Variants in HNRNPA2B1 observed in about 807,000 individuals in gnomAD.
HNRNPA2B1 encodes the protein heterogeneous nuclear ribonucleoproteins A2/B1.
HNRNPA2B1 carries 3 observed loss-of-function variants against 46.3 expected under a neutral mutation model. The observed-to-expected ratio is 0.06, with a 90% CI of 0.03 to 0.17. The LOEUF is 0.17. Ranked by LOEUF, HNRNPA2B1 falls within the 10% of genes least tolerant of loss-of-function variation. The pLI, the probability that HNRNPA2B1 is intolerant of heterozygous loss-of-function variation, is 1.00. For missense variants in HNRNPA2B1, 221 were observed against 418.9 expected (o/e 0.53, Z 4.12); for synonymous variants, 225 against 133.8 (o/e 1.68, Z -4.70).
intron 7 of HNRNPA2B1, 122 bp downstream of exon 7, chr7:26,195,725 A>AC (rs1234234468): frequency 1.8e-6 from 2 of 1,099,926 alleles, no homozygotes; most frequent in Non-Finnish European, 2.6e-6. Context: ...GACCACTATC[A>AC]CCCAAGCCAT....
At chr7:26,197,154 C>G in intron 3 of HNRNPA2B1, 137 bp from the exon 4 acceptor site, 9 of 1,149,658 alleles carry the variant, frequency 7.8e-6, no homozygotes, top group Non-Finnish European at 1.1e-5. Context: ...AGGGACCTAG[C>G]TTTTGAAAAA....
In HNRNPA2B1 at chr7:26,200,634, T is replaced by TA; in HGVS notation, c.-58_-57insT. 6.2e-7 allele frequency: 1 copy of TA among 1,612,108 alleles called. No individual in the cohort carries two copies. The highest frequency in any genetic ancestry group is 8.5e-7 in the Non-Finnish European group (1 of 1,179,220). ...GCAGCCGAGCGAGATGAGAGAGATCTCCGCGGACGAACACGAACCGGACTC... is the reference window on the plus strand; with the variant it reads ...GCAGCCGAGCGAGATGAGAGAGATCTACCGCGGACGAACACGAACCGGACTC... On this transcript the variant is annotated 5_prime_UTR_variant, in exon 1 of 11. Coordinates refer to ENST00000618183, the MANE Select transcript of HNRNPA2B1 (RefSeq NM_002137.4).
rs376889657 is a variant in HNRNPA2B1 at position 26,190,219 on chromosome 7, TTA to T, written c.*2139_*2140del. ...AAACCTAATTTAAAACATGATACAT[TTA>T]TCTCTCTAGCCAATTTGATGTTACT... On this transcript the variant is annotated 3_prime_UTR_variant, in exon 11 of 11. Coordinates refer to ENST00000618183, the MANE Select transcript of HNRNPA2B1 (RefSeq NM_002137.4). The T allele has an allele frequency of 1.3e-5, 2 of 152,748 alleles. No homozygotes were observed. Among genetic ancestry groups the T allele is most frequent in the Admixed American group, 6.5e-5 (1 of 15,296 alleles). The allele number at this position is 152,748 out of a possible 1,614,324, so 9.5% of individuals were successfully genotyped here.
Position 26,197,735 on chromosome 7 carries a change from G to A in HNRNPA2B1, c.7-3C>T, listed in dbSNP as rs879165469. On this transcript the variant is annotated splice_polypyrimidine_tract_variant and splice_region_variant and intron_variant, in intron 1 of 10. Coordinates refer to ENST00000618183, the MANE Select transcript of HNRNPA2B1 (RefSeq NM_002137.4). ...TTACGGAACTGTTCCTTTTCTCTCT[G>A]CAAAGGAAAATACCATTTCAATTTT... 3.1e-6 allele frequency: 5 copies of A among 1,608,808 alleles called. No individual in the cohort carries two copies. The highest frequency in any genetic ancestry group is 1.1e-5 in the South Asian group (1 of 90,096).
intron 9 of HNRNPA2B1, among the ~76,000 whole-genome samples, chr7:26,192,815 T>G (rs1783058708): frequency 6.6e-6 from 1 of 152,166 alleles, no homozygotes; most frequent in Non-Finnish European, 1.5e-5. Flanking sequence ...CTCATCCTCA[T>G]TTGGACTGAG....
In HNRNPA2B1 at chr7:26,191,452, T is replaced by C. The variant is rs551386024; in HGVS notation, c.*908A>G. ...GAAGTTTAACTGAAGCTTAGAACTA[T>C]TTTGCTCTACACCCTCAGCTTTCGT... is the stretch of plus-strand genomic sequence containing the variant. On this transcript the variant is annotated 3_prime_UTR_variant, in exon 11 of 11. Transcript: ENST00000618183. The C allele has an allele frequency of 6.6e-6, 1 of 152,108 alleles. No homozygotes were observed. Among genetic ancestry groups the C allele is most frequent in the African/African-American group, 2.4e-5 (1 of 41,404 alleles). The allele number at this position is 152,108 out of a possible 1,614,324, so 9.4% of individuals were successfully genotyped here.
At position 26,190,391 on chromosome 7, in the gene HNRNPA2B1, GA is replaced by G. The variant is rs1387732946; in HGVS notation, c.*1968del. 1.0e-4 allele frequency: 16 copies of G among 152,578 alleles called. No homozygotes were observed. The highest frequency in any genetic ancestry group is 9.8e-4 in the Admixed American group (15 of 15,278). The allele number at this position is 152,578 out of a possible 1,614,324, so 9.5% of individuals were successfully genotyped here. A position where few individuals can be genotyped will look rare whatever the true frequency, so the allele number is the denominator to read the frequency against. ...ACAAGAACTACTTTCAGATGGTACAGAATTTCTTATTTCTTGAAGACTCTGT... is the reference window on the plus strand; with the variant it reads ...ACAAGAACTACTTTCAGATGGTACAGATTTCTTATTTCTTGAAGACTCTGT... On this transcript the variant is annotated 3_prime_UTR_variant, in exon 11 of 11. Coordinates refer to ENST00000618183, the MANE Select transcript of HNRNPA2B1 (RefSeq NM_002137.4).
chr7:26,195,524 G>A (rs565914997), intron 7 of HNRNPA2B1, among the ~76,000 whole-genome samples: 2 of 152,150 alleles, frequency 1.3e-5, no homozygotes, highest in South Asian at 4.1e-4. Flanking sequence ...CACCCCCTTA[G>A]GTTTTACTCT....
At chr7:26,197,503 T>C (rs749358308) in intron 2 of HNRNPA2B1, 42 bp from the exon 3 acceptor site, 14 of 1,602,542 alleles carry the variant, frequency 8.7e-6, no homozygotes, top group East Asian at 6.7e-5. Context: ...AATCTCATTA[T>C]AGCTTATAAG....
At chr7:26,200,193 G>A (rs1784241075) in intron 1 of HNRNPA2B1, 2 of 280,174 alleles carry the variant, frequency 7.1e-6, no homozygotes, top group South Asian at 4.6e-5. Flanking sequence ...CCGCAGCCTC[G>A]CTCACGAGGA....
chr7:26,197,239 A>G, intron 3 of HNRNPA2B1, 76 bp downstream of exon 3: 1 of 1,478,462 alleles, frequency 6.8e-7, no homozygotes, highest in Non-Finnish European at 9.1e-7. Context: ...TTAAAACTAA[A>G]TTCAGAAATA....
In HNRNPA2B1 at chr7:26,191,999, G is replaced by C. The variant is rs550675037; in HGVS notation, c.*361C>G. On this transcript the variant is annotated 3_prime_UTR_variant, in exon 11 of 11. Coordinates refer to ENST00000618183, the MANE Select transcript of HNRNPA2B1 (RefSeq NM_002137.4). ...AACTTTGAGAAAAATCTTAAAAAAG[G>C]TTTCACATGTCACCTGAAACTTACA... The C allele has an allele frequency of 6.5e-6, 1 of 152,750 alleles. No homozygotes were observed. The highest frequency in any genetic ancestry group is 2.1e-4 in the South Asian group (1 of 4,828). The allele number at this position is 152,750 out of a possible 1,614,324, so 9.5% of individuals were successfully genotyped here.
intron 7 of HNRNPA2B1, among the ~76,000 whole-genome samples, 162 bp from the exon 8 acceptor site, chr7:26,193,856 T>C (rs889199852): frequency 2.6e-5 from 4 of 152,224 alleles, no homozygotes; most frequent in Admixed American, 6.5e-5. Context: ...TGGTAAACAT[T>C]TGGTGGCTGG....
chr7:26,195,721 T>C, intron 7 of HNRNPA2B1, 126 bp downstream of exon 7: 2 of 1,052,990 alleles, frequency 1.9e-6, no homozygotes, highest in Non-Finnish European at 2.7e-6. Context: ...ACTGGACCAC[T>C]ATCACCCAAG....
At chr7:26,199,637 C>T (rs1784125085) in intron 1 of HNRNPA2B1, 1 of 152,192 alleles carries the variant, frequency 6.6e-6, no homozygotes. Flanking sequence ...CCTCCCCCGC[C>T]CAGAAAACCA....
At chr7:26,193,992 G>A (rs1020210775) in intron 7 of HNRNPA2B1, among the ~76,000 whole-genome samples, 1 of 152,216 alleles carries the variant, frequency 6.6e-6, no homozygotes, top group Admixed American at 6.5e-5. Flanking sequence ...GGTAAGGACT[G>A]TGAGGCTAGA....
rs73281548 is a variant in HNRNPA2B1 at position 26,197,158 on chromosome 7, T to A, written c.265-141A>T. 34,876 of 1,161,498 alleles carry A rather than the reference T, an allele frequency of 0.03. 588 individuals carry two copies. Among genetic ancestry groups the A allele is most frequent in the Middle Eastern group, 0.051 (253 of 4,938 alleles). 71.9% of individuals were successfully genotyped at this position (1,161,498 alleles called of 1,614,324 possible). A position where few individuals can be genotyped will look rare whatever the true frequency, so the allele number is the denominator to read the frequency against. ...AAATAGCTTTTAGGGACCTAGCTTT[T>A]GAAAAATAAGCTAGCTTAAGAAAAT... is the stretch of plus-strand genomic sequence containing the variant. On this transcript the variant is annotated intron_variant, in intron 3 of 10. Coordinates refer to ENST00000618183, the MANE Select transcript of HNRNPA2B1 (RefSeq NM_002137.4).
In HNRNPA2B1 at chr7:26,196,967, G is replaced by T. The variant is rs766409233; in HGVS notation, c.315C>A (p.Gly105=). The T allele has an allele frequency of 1.9e-6, 3 of 1,613,320 alleles. No individual in the cohort carries two copies. In the East Asian group the frequency reaches 6.7e-5, roughly 36 times the overall value. Residue 105 remains glycine (G), a synonymous_variant, in exon 4 of 11, where the codon GGC becomes GGA. Transcript: ENST00000618183. ...GTTCCTCAGTATCTTCTTTAATTCC[G>T]CCAACAAACAGCTTCTTCACAGTTA... ...AHVTVKKLFV[G]GIKEDTEEHH...
At chr7:26,193,207 C>G (rs750055283) in intron 9 of HNRNPA2B1, 44 bp downstream of exon 9, 3 of 1,585,878 alleles carry the variant, frequency 1.9e-6, no homozygotes, top group Non-Finnish European at 2.6e-6. Flanking sequence ...AAGGCTAATC[C>G]TTTAATCACA....
Sources: allele counts gnomAD v4.1 joint callset (sites outside exome capture counted in the v4.1 genomes callset), GRCh38; gene constraint gnomAD v4.1.1; transcripts MANE v1.5; gene names NCBI Gene and HGNC (gene_info 2026-07-23, HGNC 2026-07-21).